The following GBE1 variants were observed in gnomAD, a reference collection of about 807,000 sequenced individuals.
The protein encoded by GBE1 is 1,4-alpha-glucan-branching enzyme.
Under a neutral mutation model 88.8 loss-of-function variants are expected in GBE1, and 70 were observed. The ratio of observed to expected loss-of-function variants is 0.79; its 90% confidence interval spans 0.65 to 0.96. GBE1 has a LOEUF of 0.96. Among genes scored for constraint, GBE1 ranks in the 40% least tolerant of loss-of-function variants. The pLI is 0.00. For missense variants in GBE1, 872 were observed against 871.0 expected (o/e 1.00, Z -0.01); for synonymous variants, 284 against 300.1 (o/e 0.95, Z 0.56).
chr3:81,520,656 A>G (rs1202684375), intron 14 of GBE1, among the ~76,000 whole-genome samples: 1 of 151,652 alleles, frequency 6.6e-6, no homozygotes, highest in Non-Finnish European at 1.5e-5. Flanking sequence ...TGAATATAAT[A>G]CATCAGGAAA....
intron 2 of GBE1, among the ~76,000 whole-genome samples, chr3:81,694,518 A>C (rs1705566077): frequency 6.6e-6 from 1 of 152,080 alleles, no homozygotes; most frequent in Non-Finnish European, 1.5e-5. Context: ...GCCTCCTTCT[A>C]CTCTCCAGTC....
intron 14 of GBE1, among the ~76,000 whole-genome samples, chr3:81,512,451 G>A (rs919684524): frequency 1.3e-5 from 2 of 151,842 alleles, no homozygotes; most frequent in African/African-American, 4.8e-5. Flanking sequence ...GCTTTTGAGT[G>A]TCAGAAACCA....
chr3:81,748,464 A>T (rs1024587276), intron 1 of GBE1, among the ~76,000 whole-genome samples: 10 of 150,738 alleles, frequency 6.6e-5, no homozygotes, highest in Non-Finnish European at 1.5e-4. Flanking sequence ...ACAAAAAATT[A>T]GCCGGGTGTG....
chr3:81,676,369 A>T (rs1705252507), intron 2 of GBE1, among the ~76,000 whole-genome samples: 1 of 152,084 alleles, frequency 6.6e-6, no homozygotes, highest in Non-Finnish European at 1.5e-5. Flanking sequence ...GGGGTGGCAT[A>T]TTAATGTTTT....
chr3:81,674,627 T>C (rs937077757), intron 2 of GBE1, among the ~76,000 whole-genome samples: 2 of 151,876 alleles, frequency 1.3e-5, no homozygotes, highest in Non-Finnish European at 2.9e-5. Flanking sequence ...AATGCATGTC[T>C]TGTGAAATAA....
chr3:81,620,919 G>A (rs1376375517), intron 7 of GBE1, among the ~76,000 whole-genome samples: 4 of 152,116 alleles, frequency 2.6e-5, no homozygotes, highest in Non-Finnish European at 5.9e-5. Context: ...CCAAATGAAA[G>A]GAAATGTCAT....
intron 12 of GBE1, among the ~76,000 whole-genome samples, chr3:81,560,377 G>T (rs944126792): frequency 1.3e-4 from 19 of 151,882 alleles, no homozygotes; most frequent in Non-Finnish European, 1.5e-5. Flanking sequence ...CTGTCTTCTT[G>T]TTTATAGAAA....
chr3:81,648,534 A>C (rs1409124569), intron 5 of GBE1, among the ~76,000 whole-genome samples: 2 of 152,262 alleles, frequency 1.3e-5, no homozygotes, highest in East Asian at 1.9e-4. Context: ...TATAGTCAAT[A>C]ATCACTTAAA....
intron 13 of GBE1, 116 bp downstream of exon 13, chr3:81,536,795 G>T: frequency 1.4e-6 from 1 of 733,588 alleles, no homozygotes; most frequent in Non-Finnish European, 2.2e-6. Flanking sequence ...CAGGACACTA[G>T]ACACTGAATA....
chr3:81,697,044 T>A (rs1468361701), intron 2 of GBE1, among the ~76,000 whole-genome samples: 1 of 152,044 alleles, frequency 6.6e-6, no homozygotes, highest in Non-Finnish European at 1.5e-5. Flanking sequence ...GGAGACAGTG[T>A]CAGATCCCAC....
chr3:81,500,934 A>G (rs921232406), intron 14 of GBE1, among the ~76,000 whole-genome samples: 1 of 152,074 alleles, frequency 6.6e-6, no homozygotes. Context: ...CGTTAATTCA[A>G]CACACACCAG....
chr3:81,601,095 A>G (rs776490213), intron 7 of GBE1, among the ~76,000 whole-genome samples: 2 of 152,138 alleles, frequency 1.3e-5, no homozygotes, highest in Non-Finnish European at 2.9e-5. Context: ...AAAAGGAGCT[A>G]GCTTTCAATG....
intron 14 of GBE1, among the ~76,000 whole-genome samples, chr3:81,515,837 A>G (rs1252604051): frequency 1.3e-5 from 2 of 151,636 alleles, no homozygotes; most frequent in African/African-American, 4.8e-5. Flanking sequence ...AGATCAAACT[A>G]GCCACAACAT....
At chr3:81,583,674 T>A (rs753379392) in intron 10 of GBE1, among the ~76,000 whole-genome samples, 10 of 152,246 alleles carry the variant, frequency 6.6e-5, no homozygotes, top group Non-Finnish European at 1.2e-4. Context: ...ATTCCATTTA[T>A]ATAATATTTT....
Position 81,644,255 on chromosome 3 carries a change from A to T in GBE1, c.783-1265T>A, listed in dbSNP as rs919612613. Among the ~76,000 whole-genome samples, 3 of 151,998 alleles carry T rather than the reference A, an allele frequency of 2.0e-5. No homozygotes were observed. In the South Asian group the frequency reaches 6.3e-4, roughly 32 times the overall value. Reference sequence around the variant, plus strand: ...AATACATAGAATGTCGATAATAATAAGTGTCCTAAAGAAAACAAAGAAAAG... The same window carrying T: ...AATACATAGAATGTCGATAATAATATGTGTCCTAAAGAAAACAAAGAAAAG... On this transcript the variant is annotated intron_variant, in intron 6 of 15. Coordinates refer to ENST00000429644, the MANE Select transcript of GBE1 (RefSeq NM_000158.4).
At chr3:81,510,264 T>C (rs561160364) in intron 14 of GBE1, among the ~76,000 whole-genome samples, 1 of 152,150 alleles carries the variant, frequency 6.6e-6, no homozygotes, top group Admixed American at 6.6e-5. Flanking sequence ...TAAACTTTAA[T>C]ATATTTAAAA....
chr3:81,575,733 A>G (rs1173905712), intron 12 of GBE1, among the ~76,000 whole-genome samples: 9 of 152,210 alleles, frequency 5.9e-5, no homozygotes. Context: ...TCTATATGCC[A>G]TTAGAAAATA....
intron 9 of GBE1, among the ~76,000 whole-genome samples, chr3:81,587,827 C>T (rs913963044): frequency 6.6e-6 from 1 of 152,116 alleles, no homozygotes; most frequent in African/African-American, 2.4e-5. Flanking sequence ...TAAATACACA[C>T]AAACATAATT....
At chr3:81,738,571 G>A (rs1706306639) in intron 1 of GBE1, among the ~76,000 whole-genome samples, 1 of 151,844 alleles carries the variant, frequency 6.6e-6, no homozygotes, top group Admixed American at 6.6e-5. Flanking sequence ...GGAAGGCACT[G>A]ACTTAAAGCT....
Sources: gnomAD v4.1 joint callset for allele counts (sites outside exome capture counted in the v4.1 genomes callset) on GRCh38, gnomAD v4.1.1 for gene constraint, MANE v1.5 for transcripts, NCBI Gene and HGNC (gene_info 2026-07-23, HGNC 2026-07-21) for gene names.